TM2D2: variants seen among roughly 807,000 people sequenced by gnomAD.
The protein encoded by TM2D2 is TM2 domain-containing protein 2.
TM2D2 carries 19 observed loss-of-function variants against 23.0 expected under a neutral mutation model. That is an observed-to-expected ratio of 0.82 (90% CI 0.58 to 1.21). The LOEUF (loss-of-function observed/expected upper bound fraction) is 1.21. Among genes scored for constraint, TM2D2 ranks in the 50% most tolerant of loss-of-function variants. The pLI, the probability that TM2D2 is intolerant of heterozygous loss-of-function variation, is 0.00. For synonymous variants in TM2D2, 120 were observed against 108.8 expected (o/e 1.10, Z -0.64); for missense variants, 246 against 265.4 (o/e 0.93, Z 0.51).
rs1250446486 is a variant in TM2D2, at chr8:38,990,276, G to C, written c.*1056C>G. 6.6e-6 allele frequency: 1 copy of C among 152,166 alleles called. No individual in the cohort carries two copies. The highest frequency in any genetic ancestry group is 1.5e-5 in the Non-Finnish European group (1 of 68,038). 9.4% of individuals were successfully genotyped at this position (152,166 alleles called of 1,614,324 possible). ...CTGAGTGAGTTCTACCTTGTTTCTA[G>C]AATTTGTAAGTTATTCTGAGTAAAG... is the stretch of plus-strand genomic sequence containing the variant. On this transcript the variant is annotated 3_prime_UTR_variant, in exon 4 of 4. Coordinates refer to ENST00000456397, the MANE Select transcript of TM2D2 (RefSeq NM_078473.3).
chr8:38,993,906 A>T lies in TM2D2; in HGVS notation c.316-246T>A, dbSNP rs1835679324. On this transcript the variant is annotated intron_variant, in intron 2 of 3. Transcript: ENST00000456397. ...TGACTGGCTTCTTCAATAATATAGT[A>T]AAAAAAACCCCCAAACACACTCAGT... is the stretch of plus-strand genomic sequence containing the variant. The T allele has an allele frequency of 1.1e-5, 3 of 281,242 alleles. No homozygotes were observed. The East Asian group carries it at 1.9e-4, about 18-fold the overall frequency. 17.4% of individuals were successfully genotyped at this position (281,242 alleles called of 1,614,324 possible).
Position 38,991,274 on chromosome 8 carries a change from G to A in TM2D2, c.*58C>T. 7.2e-7 allele frequency: 1 copy of A among 1,391,268 alleles called. No individual in the cohort carries two copies. 86.2% of individuals were successfully genotyped at this position (1,391,268 alleles called of 1,614,324 possible). A position where few individuals can be genotyped will look rare whatever the true frequency, so the allele number is the denominator to read the frequency against. On this transcript the variant is annotated 3_prime_UTR_variant, in exon 4 of 4. Transcript: ENST00000456397. ...CAAAGAGGAGTTTTGAGCCTGTAGAGATGAATTCAGAAGACGGAGCTTTCA... is the reference window on the plus strand; with the variant it reads ...CAAAGAGGAGTTTTGAGCCTGTAGAAATGAATTCAGAAGACGGAGCTTTCA...
At chr8:38,995,637 T>C (rs1835748534) in intron 1 of TM2D2, 1 of 1,412,298 alleles carries the variant, frequency 7.1e-7, no homozygotes, top group Non-Finnish European at 9.2e-7. Context: ...GTCCTGTTTC[T>C]ATAAGGATTC....
chr8:38,996,576 C>A, upstream of TM2D2: 1 of 1,468,144 alleles, frequency 6.8e-7, no homozygotes, highest in Non-Finnish European at 9.0e-7. Flanking sequence ...GGACGCGCAG[C>A]TCGACGCTCC....
At chr8:38,996,806 A>C (rs1588309853), upstream of TM2D2, 3 of 1,429,286 alleles carry the variant, frequency 2.1e-6, no homozygotes, top group African/African-American at 1.4e-5. Context: ...GCTGGTTGCC[A>C]CCGCCGGTTT....
At chr8:38,995,872 C>A in intron 1 of TM2D2, 1 of 1,039,656 alleles carries the variant, frequency 9.6e-7, no homozygotes, top group South Asian at 2.4e-5. Context: ...CCATTTATGC[C>A]TTACTCAGTA....
At chr8:38,991,779 A>G (rs1395537079) in intron 3 of TM2D2, among the ~76,000 whole-genome samples, 1 of 152,142 alleles carries the variant, frequency 6.6e-6, no homozygotes, top group Admixed American at 6.5e-5. Flanking sequence ...ATACAAGGCT[A>G]CCTGGCAAAG....
intron 1 of TM2D2, chr8:38,995,838 G>A (rs1175756110): frequency 8.5e-7 from 1 of 1,182,120 alleles, no homozygotes; most frequent in Middle Eastern, 3.4e-4. Flanking sequence ...AAGATGCCTT[G>A]TAGGCAGAGA....
At chr8:38,996,616 T>A (rs1588309550), upstream of TM2D2, 4 of 1,441,952 alleles carry the variant, frequency 2.8e-6, no homozygotes, top group South Asian at 1.5e-5. Flanking sequence ...CTAGAAAAGG[T>A]CGAGCAGACG....
intron 3 of TM2D2, among the ~76,000 whole-genome samples, chr8:38,993,067 T>A (rs1222626750): frequency 6.6e-6 from 1 of 152,228 alleles, no homozygotes; most frequent in Non-Finnish European, 1.5e-5. Context: ...ACAAGATTTA[T>A]ATCTATTGTA....
rs778386284 is a variant in TM2D2 at position 38,996,467 on chromosome 8, G to A, written c.-28C>T. 6.8e-6 allele frequency: 11 copies of A among 1,612,826 alleles called. No homozygotes were observed. The highest frequency in any genetic ancestry group is 4.5e-5 in the East Asian group (2 of 44,832). ...TCCCGGGCACAGGAGCGGAGACCCG[G>A]CCTCAACCACAACCCCAGGCCAGCA... On this transcript the variant is annotated 5_prime_UTR_variant, in exon 1 of 4. Coordinates refer to ENST00000456397, the MANE Select transcript of TM2D2 (RefSeq NM_078473.3).
rs571440939 is a variant in TM2D2 at position 38,995,924 on chromosome 8, G to C, written c.227+289C>G. ...CGACTAATACTCTCCTTGGGCTAAAGGGCGCAGGGCAAAGAAAGCACAACC... is the reference window on the plus strand; with the variant it reads ...CGACTAATACTCTCCTTGGGCTAAACGGCGCAGGGCAAAGAAAGCACAACC... On this transcript the variant is annotated intron_variant, in intron 1 of 3. Coordinates refer to ENST00000456397, the MANE Select transcript of TM2D2 (RefSeq NM_078473.3). 1.5e-5 allele frequency: 11 copies of C among 740,516 alleles called. No homozygotes were observed. The East Asian group carries it at 3.8e-4, about 26-fold the overall frequency. The allele number at this position is 740,516 out of a possible 1,614,324, so 45.9% of individuals were successfully genotyped here.
At position 38,991,178 on chromosome 8, in the gene TM2D2, A is replaced by G. The variant is rs1158076666; in HGVS notation, c.*154T>C. ...AAGGTAAAATCTGGGTTGAAATTCC[A>G]AAGTCCAAAGAAGCCTTCTTAACCA... On this transcript the variant is annotated 3_prime_UTR_variant, in exon 4 of 4. Coordinates refer to ENST00000456397, the MANE Select transcript of TM2D2 (RefSeq NM_078473.3). The G allele has an allele frequency of 1.5e-6, 1 of 678,148 alleles. No individual in the cohort carries two copies. Among genetic ancestry groups the G allele is most frequent in the Non-Finnish European group, 2.5e-6 (1 of 403,900 alleles). The allele number at this position is 678,148 out of a possible 1,614,324, so 42.0% of individuals were successfully genotyped here. A position where few individuals can be genotyped will look rare whatever the true frequency, so the allele number is the denominator to read the frequency against.
rs1127443 is a variant in TM2D2 at position 38,996,279 on chromosome 8, C to A, written c.161G>T (p.Gly54Val). The change falls in exon 1 of 4, where the codon GGC becomes GTC. Residue 54 changes from glycine (G) to valine (V), a missense_variant. Coordinates refer to ENST00000456397, the MANE Select transcript of TM2D2 (RefSeq NM_078473.3). ...TTCCCAGCTCGCAGCACCCCCGGGG[C>A]CCTCCGGCTGGGCGGCGCCAGCGGA... ...LTSAGAAQPE[G>V]PGGAASWEYG... 3.7e-6 allele frequency: 6 copies of A among 1,613,922 alleles called. No homozygotes were observed. Among genetic ancestry groups the A allele is most frequent in the Admixed American group, 1.7e-5 (1 of 60,010 alleles).
intron 1 of TM2D2, 27 bp downstream of exon 1, chr8:38,996,186 C>CA: frequency 6.2e-7 from 1 of 1,602,342 alleles, no homozygotes; most frequent in Non-Finnish European, 8.5e-7. Flanking sequence ...CCTCCACGTC[C>CA]ACCCGCCTCG....
intron 2 of TM2D2, 153 bp from the exon 3 acceptor site, chr8:38,993,813 T>A (rs1835676839): frequency 2.0e-6 from 1 of 505,594 alleles, no homozygotes; most frequent in African/African-American, 1.9e-5. Context: ...GGCAAGGAAT[T>A]TAGTGACACA....
At position 38,991,506 on chromosome 8, in the gene TM2D2, GGAGTA is replaced by G. The variant is rs762675502; in HGVS notation, c.466_470del (p.Tyr156LeufsTer36). On this transcript the variant is annotated frameshift_variant, in exon 4 of 4. Coordinates refer to ENST00000456397, the MANE Select transcript of TM2D2 (RefSeq NM_078473.3). LOFTEE classifies it high-confidence loss of function. ...CCACACCAAAACATCCCAGGAAGAA[GGAGTA>G]GAGTAAAGTGGTTATGAAGTAGTGT... 91 of 1,614,176 alleles carry G rather than the reference GGAGTA, an allele frequency of 5.6e-5. No individual in the cohort carries two copies. Among genetic ancestry groups the G allele is most frequent in the Non-Finnish European group, 6.9e-5 (81 of 1,180,002 alleles).
intron 1 of TM2D2, 74 bp downstream of exon 1, chr8:38,996,139 C>A: frequency 6.6e-7 from 1 of 1,511,298 alleles, no homozygotes; most frequent in Non-Finnish European, 8.9e-7. Context: ...TCCCCCCAAC[C>A]CTGCCTTCCC....
upstream of TM2D2, chr8:38,996,685 C>T (rs1019488023): frequency 1.4e-6 from 2 of 1,425,480 alleles, no homozygotes; most frequent in Non-Finnish European, 1.8e-6. Context: ...GTCTCATGCT[C>T]CTCCTTCTTT....
Sources: allele counts gnomAD v4.1 joint callset (sites outside exome capture counted in the v4.1 genomes callset), GRCh38; gene constraint gnomAD v4.1.1; transcripts MANE v1.5; gene names NCBI Gene and HGNC (gene_info 2026-07-23, HGNC 2026-07-21).